The following PDE7B variants were observed in gnomAD, a reference collection of about 807,000 sequenced individuals.
PDE7B encodes the protein phosphodiesterase 7B.
Under a neutral mutation model 56.2 loss-of-function variants are expected in PDE7B, and 29 were observed. The ratio of observed to expected loss-of-function variants is 0.52; its 90% CI spans 0.38 to 0.70. The LOEUF (loss-of-function observed/expected upper bound fraction) is 0.70, where lower values mean the gene tolerates loss of function less well. PDE7B is among the 30% of genes least tolerant of loss of function. The pLI is 0.00. For synonymous variants in PDE7B, 197 were observed against 196.9 expected, an observed-to-expected ratio of 1.00 and a Z score of 0.00; for missense variants, 490 against 565.0, an observed-to-expected ratio of 0.87 and a Z score of 1.35.
At chr6:135,946,083 A>G (rs1051945127) in intron 1 of PDE7B, among the ~76,000 whole-genome samples, 4 of 152,032 alleles carry the variant, frequency 2.6e-5, no homozygotes, top group African/African-American at 9.7e-5. Flanking sequence ...TGCTTTTTCT[A>G]TAAATTAATG....
At chr6:136,128,217 C>A (rs1399282166) in intron 3 of PDE7B, among the ~76,000 whole-genome samples, 1 of 152,160 alleles carries the variant, frequency 6.6e-6, no homozygotes, top group Non-Finnish European at 1.5e-5. Context: ...CAAGTATGCC[C>A]TATTCAATTT....
At chr6:135,882,418 GT>G (rs1775627323) in intron 1 of PDE7B, among the ~76,000 whole-genome samples, 1 of 151,966 alleles carries the variant, frequency 6.6e-6, no homozygotes. Flanking sequence ...CCCCTTTGTT[GT>G]TTCCCTTCAA....
intron 1 of PDE7B, among the ~76,000 whole-genome samples, chr6:135,869,640 ATTGCT>A (rs1003993634): frequency 2.0e-5 from 3 of 152,180 alleles, no homozygotes; most frequent in African/African-American, 7.2e-5. Context: ...AATTTCAGAG[ATTGCT>A]AAATCTACGA....
intron 12 of PDE7B, among the ~76,000 whole-genome samples, chr6:136,190,408 A>G (rs993937710): frequency 2.6e-5 from 4 of 152,178 alleles, no homozygotes; most frequent in Admixed American, 6.5e-5. Context: ...TTCCATCTCT[A>G]TGGCATTCTC....
At chr6:135,896,937 C>T (rs1233444158) in intron 1 of PDE7B, among the ~76,000 whole-genome samples, 1 of 152,114 alleles carries the variant, frequency 6.6e-6, no homozygotes, top group Non-Finnish European at 1.5e-5. Context: ...GCTCTTTCCT[C>T]TGCCTGAAAT....
At chr6:136,112,296 A>T (rs1230227012) in intron 3 of PDE7B, among the ~76,000 whole-genome samples, 1 of 152,224 alleles carries the variant, frequency 6.6e-6, no homozygotes, top group Non-Finnish European at 1.5e-5. Context: ...CTAGAACAGA[A>T]GTGGACAAAT....
At chr6:135,889,348 C>G (rs1775765566) in intron 1 of PDE7B, among the ~76,000 whole-genome samples, 1 of 151,932 alleles carries the variant, frequency 6.6e-6, no homozygotes, top group South Asian at 2.1e-4. Context: ...ACTCCGTCAC[C>G]CAGGCTTCTG....
intron 2 of PDE7B, among the ~76,000 whole-genome samples, chr6:136,056,616 C>T (rs1251550236): frequency 1.4e-5 from 2 of 146,732 alleles, no homozygotes; most frequent in African/African-American, 2.6e-5. Flanking sequence ...ACTGCAACCT[C>T]CGCCTCCTGG....
intron 1 of PDE7B, among the ~76,000 whole-genome samples, chr6:135,928,429 TTATA>T (rs755915341): frequency 3.4e-4 from 35 of 103,056 alleles, no homozygotes; most frequent in African/African-American, 7.2e-4. Flanking sequence ...GAAAATGTGA[TTATA>T]TATATATATA....
At chr6:136,173,957 G>A (rs986657903) in intron 9 of PDE7B, 69 bp downstream of exon 9, 2 of 1,128,982 alleles carry the variant, frequency 1.8e-6, no homozygotes, top group African/African-American at 1.5e-5. Flanking sequence ...TCTAGGGCAG[G>A]CTTGGGACCT....
chr6:136,191,541 A>C (rs1247161742), intron 12 of PDE7B, 73 bp from the exon 13 acceptor site: 2 of 1,266,410 alleles, frequency 1.6e-6, no homozygotes, highest in Non-Finnish European at 2.3e-6. Context: ...GTGGGTCCCC[A>C]GTCATGCTCG....
intron 2 of PDE7B, among the ~76,000 whole-genome samples, chr6:136,058,036 T>G (rs1776769555): frequency 6.6e-6 from 1 of 152,162 alleles, no homozygotes; most frequent in South Asian, 2.1e-4. Flanking sequence ...TGCGCCCGCC[T>G]CTGCTCACAA....
intron 1 of PDE7B, among the ~76,000 whole-genome samples, chr6:135,914,952 G>A (rs552531411): frequency 6.6e-6 from 1 of 151,900 alleles, no homozygotes; most frequent in African/African-American, 2.4e-5. Flanking sequence ...AATTAGCCAG[G>A]TGTGGTGGCA....
intron 11 of PDE7B, among the ~76,000 whole-genome samples, chr6:136,183,788 A>G (rs1443355178): frequency 6.6e-6 from 1 of 152,042 alleles, no homozygotes; most frequent in African/African-American, 2.4e-5. Flanking sequence ...GCAGGCTTCC[A>G]CAGACTACTA....
In PDE7B at chr6:136,180,416, CCT is replaced by C. The variant is rs373640906; in HGVS notation, c.949-808_949-807del. 5.3e-3 allele frequency among the ~76,000 whole-genome samples: 808 copies of C among 152,218 alleles called. 13 individuals carry two copies. Among genetic ancestry groups the C allele is most frequent in the African/African-American group, 0.017 (712 of 41,534 alleles). ...CTGGAGGAGGCTTCTCTGACACTTA[CCT>C]CTACTTCAACATGTACTGGTACCCC... is the stretch of plus-strand genomic sequence containing the variant. On this transcript the variant is annotated intron_variant, in intron 10 of 12. Transcript: ENST00000308191.
At chr6:136,108,350 A>G (rs1243896485) in intron 2 of PDE7B, among the ~76,000 whole-genome samples, 1 of 152,188 alleles carries the variant, frequency 6.6e-6, no homozygotes, top group Non-Finnish European at 1.5e-5. Flanking sequence ...AAGAAAAATT[A>G]TAGTCTGGGT....
At chr6:136,042,096 G>T (rs1198428051) in intron 2 of PDE7B, among the ~76,000 whole-genome samples, 2 of 152,150 alleles carry the variant, frequency 1.3e-5, no homozygotes, top group African/African-American at 4.8e-5. Flanking sequence ...ATTGTGTCTC[G>T]TATACATTTT....
chr6:135,962,921 A>G (rs906416442), intron 2 of PDE7B, among the ~76,000 whole-genome samples: 2 of 152,178 alleles, frequency 1.3e-5, no homozygotes, highest in African/African-American at 4.8e-5. Context: ...ATGACATAGC[A>G]CAGAAGTTGC....
intron 3 of PDE7B, among the ~76,000 whole-genome samples, chr6:136,113,207 A>T (rs951008809): frequency 6.6e-6 from 1 of 152,236 alleles, no homozygotes; most frequent in Non-Finnish European, 1.5e-5. Context: ...ATTTAGCTTT[A>T]CTTAGCCATT....
Sources: allele counts gnomAD v4.1 joint callset (sites outside exome capture counted in the v4.1 genomes callset), GRCh38; gene constraint gnomAD v4.1.1; transcripts MANE v1.5; gene names NCBI Gene and HGNC (gene_info 2026-07-23, HGNC 2026-07-21).